The following LRRC7 variants were observed in gnomAD, a reference collection of about 807,000 sequenced individuals.
LRRC7 encodes the protein leucine-rich repeat-containing protein 7.
In LRRC7, 23 loss-of-function variants were observed where a neutral mutation model predicts 175.7. The ratio of observed to expected loss-of-function variants is 0.13; its 90% confidence interval spans 0.09 to 0.19. The LOEUF is 0.19. Ranked by LOEUF, LRRC7 falls within the 10% of genes least tolerant of loss-of-function variation. The pLI is 1.00. For synonymous variants in LRRC7, 685 were observed against 680.9 expected, an observed-to-expected ratio of 1.01 and a Z score of -0.09; for missense variants, 1,354 against 1,904.7, an observed-to-expected ratio of 0.71 and a Z score of 5.38.
chr1:69,877,203 T>G (rs1202932049), intron 7 of LRRC7, among the ~76,000 whole-genome samples: 1 of 152,202 alleles, frequency 6.6e-6, no homozygotes, highest in East Asian at 1.9e-4. Flanking sequence ...GAAATGGTTT[T>G]AAGCAGCGGA....
At chr1:69,739,788 T>C (rs1271785170) in intron 2 of LRRC7, among the ~76,000 whole-genome samples, 2 of 152,072 alleles carry the variant, frequency 1.3e-5, no homozygotes, top group African/African-American at 2.4e-5. Context: ...CAAGTTTAAT[T>C]TGTGTACAAT....
intron 1 of LRRC7, among the ~76,000 whole-genome samples, chr1:69,675,248 G>T (rs1385879989): frequency 6.6e-6 from 1 of 152,046 alleles, no homozygotes; most frequent in Non-Finnish European, 1.5e-5. Context: ...CTAACCTGAG[G>T]GTCTTGGATA....
chr1:70,107,358 T>C (rs986113872), intron 25 of LRRC7, among the ~76,000 whole-genome samples: 5 of 152,222 alleles, frequency 3.3e-5, no homozygotes, highest in African/African-American at 9.6e-5. Flanking sequence ...CAAATAGAGA[T>C]ACTTTTTCAA....
chr1:69,838,317 GTGATT>G, intron 7 of LRRC7, 34 bp downstream of exon 7: 1 of 1,534,908 alleles, frequency 6.5e-7, no homozygotes, highest in Non-Finnish European at 9.0e-7. Context: ...ATTTTGAACT[GTGATT>G]TTTTTCACTA....
At chr1:69,611,753 A>C (rs1476075305) in intron 1 of LRRC7, among the ~76,000 whole-genome samples, 1 of 152,068 alleles carries the variant, frequency 6.6e-6, no homozygotes, top group Non-Finnish European at 1.5e-5. Flanking sequence ...TGTTTTCAAC[A>C]GTGGAATCTC....
At chr1:70,001,977 C>T (rs1273215959) in intron 11 of LRRC7, among the ~76,000 whole-genome samples, 2 of 152,104 alleles carry the variant, frequency 1.3e-5, no homozygotes, top group African/African-American at 2.4e-5. Context: ...CAATGCCAAG[C>T]TGTTAACTGA....
At chr1:69,694,153 CT>C (rs1662258429) in intron 2 of LRRC7, among the ~76,000 whole-genome samples, 1 of 152,164 alleles carries the variant, frequency 6.6e-6, no homozygotes, top group Non-Finnish European at 1.5e-5. Flanking sequence ...CCTCTTGTAA[CT>C]TGCCTCATCT....
intron 18 of LRRC7, among the ~76,000 whole-genome samples, chr1:70,035,899 A>G (rs572600268): frequency 1.3e-5 from 2 of 152,226 alleles, no homozygotes; most frequent in African/African-American, 4.8e-5. Context: ...CATATAAACA[A>G]CATGCAAGAA....
chr1:69,726,670 G>T lies in LRRC7; in HGVS notation c.101-33521G>T, dbSNP rs573123233. 3.3e-5 allele frequency among the ~76,000 whole-genome samples: 5 copies of T among 151,512 alleles called. No homozygotes were observed. In the South Asian group the frequency reaches 6.2e-4, roughly 19 times the overall value. ...CAAGGGTATAAATGAGGTTGACCAA[G>T]AAAACCAAGAAGCAAGGTAAGAAGA... On this transcript the variant is annotated intron_variant, in intron 2 of 26. Transcript: ENST00000651989.
chr1:69,912,246 C>T lies in LRRC7; in HGVS notation c.648-19261C>T, dbSNP rs866259178. On this transcript the variant is annotated intron_variant, in intron 7 of 26. Transcript: ENST00000651989. The stretch of plus-strand genomic sequence containing the variant: ...AAAATATAGCCAGAAAACAATGAGC[C>T]TGACACATTGTGTGTCCTTGTATAT... Among the ~76,000 whole-genome samples the T allele has an allele frequency of 4.6e-5, 7 of 152,222 alleles. No individual in the cohort carries two copies. In the Middle Eastern group the frequency reaches 0.01, roughly 222 times the overall value.
rs1666801120 is a variant in LRRC7 at position 70,134,804 on chromosome 1, T to C, written c.*12917T>C. Among the ~76,000 whole-genome samples, 1 of 152,216 alleles carries C rather than the reference T, an allele frequency of 6.6e-6. No individual in the cohort carries two copies. Reference sequence around the variant, plus strand: ...TGTTTACCAAGTGTTCTTCCTCTCTTTTCAGAGAAGTTAAATATCTCCTTA... The same window carrying C: ...TGTTTACCAAGTGTTCTTCCTCTCTCTTCAGAGAAGTTAAATATCTCCTTA... On this transcript the variant is annotated 3_prime_UTR_variant, in exon 27 of 27. Transcript: ENST00000651989.
intron 26 of LRRC7, among the ~76,000 whole-genome samples, chr1:70,116,473 G>A (rs749936540): frequency 2.0e-5 from 3 of 151,472 alleles, no homozygotes; most frequent in Non-Finnish European, 4.4e-5. Flanking sequence ...CGTGAGCCCG[G>A]GAGGCAGAGC....
rs910805135 is a variant in LRRC7 at position 70,129,057 on chromosome 1, C to T, written c.*7170C>T. Among the ~76,000 whole-genome samples, 1 of 151,890 alleles carries T rather than the reference C, an allele frequency of 6.6e-6. No individual in the cohort carries two copies. ...GGTCAGGAATTGGATACCAGCCTGACCAACATGCTGAAACCTCATCTCTAC... is the reference window on the plus strand; with the variant it reads ...GGTCAGGAATTGGATACCAGCCTGATCAACATGCTGAAACCTCATCTCTAC... On this transcript the variant is annotated 3_prime_UTR_variant, in exon 27 of 27. Coordinates refer to ENST00000651989, the MANE Select transcript of LRRC7 (RefSeq NM_001370785.2).
intron 7 of LRRC7, among the ~76,000 whole-genome samples, chr1:69,912,212 T>A (rs1376693435): frequency 2.6e-5 from 4 of 152,134 alleles, no homozygotes; most frequent in East Asian, 3.9e-4. Context: ...AAGTAATAAC[T>A]TTTTCAATAA....
intron 1 of LRRC7, among the ~76,000 whole-genome samples, chr1:69,623,891 T>C (rs1054563154): frequency 3.9e-5 from 6 of 152,172 alleles, no homozygotes; most frequent in Admixed American, 2.6e-4. Context: ...ATAGCTTCTA[T>C]TGTTTGGCCA....
chr1:70,076,091 C>A lies in LRRC7; in HGVS notation c.4245C>A (p.Ile1415=). 6.2e-7 allele frequency: 1 copy of A among 1,613,594 alleles called. No individual in the cohort carries two copies. Among genetic ancestry groups the A allele is most frequent in the Non-Finnish European group, 8.5e-7 (1 of 1,179,962 alleles). ...CTTCTCCACAGGCAGGCAGCCACAT[C>A]CAGACGTTGATGGGGTCCCAAAGCC... ...DTITKKAGSH[I]QTLMGSQSLQ... The change falls in exon 24 of 27, where the codon ATC becomes ATA. Residue 1415 remains isoleucine, a synonymous_variant. Transcript: ENST00000651989.
intron 1 of LRRC7, among the ~76,000 whole-genome samples, chr1:69,590,444 C>T (rs766986148): frequency 2.0e-5 from 3 of 152,034 alleles, no homozygotes; most frequent in Non-Finnish European, 4.4e-5. Flanking sequence ...TAGTTGGCAA[C>T]CAGGATCAGC....
chr1:69,960,567 G>T (rs1477603997), intron 8 of LRRC7, among the ~76,000 whole-genome samples: 1 of 150,098 alleles, frequency 6.7e-6, no homozygotes, highest in Non-Finnish European at 1.5e-5. Context: ...TAGTTCTGAT[G>T]TTGGGTTGTT....
intron 7 of LRRC7, among the ~76,000 whole-genome samples, chr1:69,859,951 T>A (rs1684180999): frequency 6.6e-6 from 1 of 152,014 alleles, no homozygotes; most frequent in Non-Finnish European, 1.5e-5. Flanking sequence ...GTGATGTGAT[T>A]TACACTGAAT....
Sources: allele counts gnomAD v4.1 joint callset (sites outside exome capture counted in the v4.1 genomes callset), GRCh38; gene constraint gnomAD v4.1.1; transcripts MANE v1.5; gene names NCBI Gene and HGNC (gene_info 2026-07-23, HGNC 2026-07-21).